The following CDC73 variants were observed in gnomAD, a reference collection of about 807,000 sequenced individuals.
The protein encoded by CDC73 is cell division cycle 73.
Under a neutral mutation model 83.7 loss-of-function variants are expected in CDC73, and 21 were observed. The observed-to-expected ratio is 0.25, with a 90% CI of 0.18 to 0.36. The LOEUF is 0.36. CDC73 is among the 10% of genes least tolerant of loss of function. The pLI, the probability that CDC73 is intolerant of heterozygous loss-of-function variation, is 1.00. For synonymous variants in CDC73, 224 were observed against 212.9 expected, an observed-to-expected ratio of 1.05 and a Z score of -0.45; for missense variants, 342 against 653.3, an observed-to-expected ratio of 0.52 and a Z score of 5.19.
At chr1:193,168,484 C>T (rs1676469056) in intron 10 of CDC73, among the ~76,000 whole-genome samples, 1 of 151,364 alleles carries the variant, frequency 6.6e-6, no homozygotes, top group Non-Finnish European at 1.5e-5. Flanking sequence ...GCTAACTAAA[C>T]CTGAGAGTAC....
chr1:193,124,026 A>G (rs763062925), intron 1 of CDC73, among the ~76,000 whole-genome samples: 1 of 152,256 alleles, frequency 6.6e-6, no homozygotes, highest in Non-Finnish European at 1.5e-5. Flanking sequence ...ATGATGGGTT[A>G]AGTCTTCCAA....
intron 13 of CDC73, among the ~76,000 whole-genome samples, chr1:193,229,617 C>T (rs958116789): frequency 6.6e-6 from 1 of 152,144 alleles, no homozygotes; most frequent in African/African-American, 2.4e-5. Flanking sequence ...TACAAGCCAC[C>T]CCAGTCTGTG....
At chr1:193,132,894 GA>G (rs1349852684) in intron 3 of CDC73, among the ~76,000 whole-genome samples, 5 of 141,040 alleles carry the variant, frequency 3.5e-5, no homozygotes, top group African/African-American at 7.7e-5. Flanking sequence ...ATTTCCTGTA[GA>G]TTTTTTTTTT....
chr1:193,249,285 T>C (rs1678005325), intron 15 of CDC73, among the ~76,000 whole-genome samples: 1 of 152,074 alleles, frequency 6.6e-6, no homozygotes, highest in Non-Finnish European at 1.5e-5. Flanking sequence ...AATTAGGGGA[T>C]GTACACTGTT....
Position 193,169,554 on chromosome 1 carries a change from TAAAAAATA to T in CDC73, c.972+17113_972+17120del, listed in dbSNP as rs1676486792. Among the ~76,000 whole-genome samples, 9 of 152,034 alleles carry T rather than the reference TAAAAAATA, an allele frequency of 5.9e-5. No homozygotes were observed. The South Asian group carries it at 1.9e-3, about 32-fold the overall frequency. ...AGCAAGACTCTGTCTCAAAAAAAAATAAAAAATAAATTTGTAAGAATGGAGGCAGTTGC... is the reference window on the plus strand; with the variant it reads ...AGCAAGACTCTGTCTCAAAAAAAAATAATTTGTAAGAATGGAGGCAGTTGC... On this transcript the variant is annotated intron_variant, in intron 10 of 16. Coordinates refer to ENST00000367435, the MANE Select transcript of CDC73 (RefSeq NM_024529.5).
At chr1:193,237,101 GC>G (rs1432538857) in intron 15 of CDC73, 4 of 151,386 alleles carry the variant, frequency 2.6e-5, no homozygotes, top group African/African-American at 7.3e-5. Flanking sequence ...CCGCCACCAC[GC>G]CCGGCTAATT....
intron 10 of CDC73, among the ~76,000 whole-genome samples, chr1:193,176,397 G>A (rs890545330): frequency 2.6e-5 from 4 of 152,188 alleles, no homozygotes; most frequent in Non-Finnish European, 5.9e-5. Context: ...AAAATCTTCA[G>A]CATGTCCTCT....
At chr1:193,178,206 C>T (rs958773962) in intron 10 of CDC73, among the ~76,000 whole-genome samples, 3 of 152,068 alleles carry the variant, frequency 2.0e-5, no homozygotes, top group Non-Finnish European at 4.4e-5. Flanking sequence ...AGTACAAAGA[C>T]ACTTTACTGT....
chr1:193,139,715 AGTTAAATCCCTTGGAAACAGTTT>A, intron 6 of CDC73, among the ~76,000 whole-genome samples: 1 of 152,262 alleles, frequency 6.6e-6, no homozygotes, highest in South Asian at 2.1e-4. Flanking sequence ...TTTGGGACAC[AGTTAAATCCCTTGGAAACAGTTT>A]GTTACTTTTG....
chr1:193,124,168 G>A (rs10921317), intron 1 of CDC73, among the ~76,000 whole-genome samples: 110,174 of 152,162 alleles, frequency 0.72, 40,152 homozygotes, highest in South Asian at 0.82. Flanking sequence ...AACTTTTTCA[G>A]CAGTTTATCA....
At chr1:193,170,573 A>G (rs908975938) in intron 10 of CDC73, among the ~76,000 whole-genome samples, 3 of 152,040 alleles carry the variant, frequency 2.0e-5, no homozygotes, top group Non-Finnish European at 4.4e-5. Flanking sequence ...TTGGTGATGT[A>G]TGTCTTCTTT....
At chr1:193,201,964 C>T (rs1444654826) in intron 10 of CDC73, among the ~76,000 whole-genome samples, 1 of 152,080 alleles carries the variant, frequency 6.6e-6, no homozygotes, top group Non-Finnish European at 1.5e-5. Flanking sequence ...TTGAATCTAG[C>T]CAGACTCATG....
In CDC73 at chr1:193,252,205, A is replaced by C. The variant is rs1238541134; in HGVS notation, c.*1493A>C. The C allele has an allele frequency of 7.4e-5, 17 of 231,022 alleles. No individual in the cohort carries two copies. The East Asian group carries it at 1.0e-3, about 14-fold the overall frequency. The allele number at this position is 231,022 out of a possible 1,614,324, so 14.3% of individuals were successfully genotyped here. A position where few individuals can be genotyped will look rare whatever the true frequency, so the allele number is the denominator to read the frequency against. ...AAATTACTAGATTTTAGCATACTTA[A>C]CAAGGTTTGAACAGATTCTACCCCT... On this transcript the variant is annotated 3_prime_UTR_variant, in exon 17 of 17. Coordinates refer to ENST00000367435, the MANE Select transcript of CDC73 (RefSeq NM_024529.5).
At chr1:193,193,750 G>T (rs989379959) in intron 10 of CDC73, among the ~76,000 whole-genome samples, 1 of 148,106 alleles carries the variant, frequency 6.8e-6, no homozygotes, top group Non-Finnish European at 1.5e-5. Flanking sequence ...AATTTATAAC[G>T]TTCCAGAACA....
At chr1:193,211,222 A>G (rs1424825998) in intron 11 of CDC73, among the ~76,000 whole-genome samples, 1 of 152,186 alleles carries the variant, frequency 6.6e-6, no homozygotes, top group Non-Finnish European at 1.5e-5. Flanking sequence ...GTCAACCAGA[A>G]CATGTTTCTC....
chr1:193,185,157 T>A (rs1676784085), intron 10 of CDC73, among the ~76,000 whole-genome samples: 1 of 152,050 alleles, frequency 6.6e-6, no homozygotes, highest in Admixed American at 6.5e-5. Flanking sequence ...TTTGTGGATA[T>A]TTTTGTATCA....
intron 11 of CDC73, among the ~76,000 whole-genome samples, chr1:193,211,553 T>C (rs1416346477): frequency 1.3e-5 from 2 of 152,202 alleles, no homozygotes; most frequent in Non-Finnish European, 2.9e-5. Flanking sequence ...TTATCACTCT[T>C]ACACTTTGAG....
chr1:193,127,311 G>GTGTGTC (rs1553277980), intron 2 of CDC73, among the ~76,000 whole-genome samples: 6 of 149,410 alleles, frequency 4.0e-5, no homozygotes, highest in Non-Finnish European at 7.5e-5. Flanking sequence ...GTGTGTGTGT[G>GTGTGTC]TGTGTGATTA....
intron 13 of CDC73, 61 bp from the exon 14 acceptor site, chr1:193,232,932 T>C: frequency 1.4e-6 from 2 of 1,419,256 alleles, no homozygotes; most frequent in South Asian, 1.2e-5. Context: ...AATTATAGTT[T>C]ATCTTCCCAT....
Sources: allele counts gnomAD v4.1 joint callset (sites outside exome capture counted in the v4.1 genomes callset), GRCh38; gene constraint gnomAD v4.1.1; transcripts MANE v1.5; gene names NCBI Gene and HGNC (gene_info 2026-07-23, HGNC 2026-07-21).